UBE2E3: variants seen among roughly 807,000 people sequenced by gnomAD.
The protein encoded by UBE2E3 is ubiquitin conjugating enzyme E2 E3.
Under a neutral mutation model 23.6 loss-of-function variants are expected in UBE2E3, and 5 were observed. The ratio of observed to expected loss-of-function variants is 0.21; its 90% CI spans 0.11 to 0.44. UBE2E3 has a LOEUF of 0.44. Ranked by LOEUF, UBE2E3 falls within the 20% of genes least tolerant of loss-of-function variation. The probability of loss-of-function intolerance (pLI) is 0.99; values close to 1 mark genes in which losing one functional copy is unlikely to be tolerated. For missense variants in UBE2E3, 81 were observed against 249.8 expected (o/e 0.32, Z 4.55); for synonymous variants, 78 against 87.5 (o/e 0.89, Z 0.60).
At chr2:180,994,178 A>T (rs1684758789) in intron 3 of UBE2E3, among the ~76,000 whole-genome samples, 2 of 152,192 alleles carry the variant, frequency 1.3e-5, no homozygotes, top group South Asian at 2.1e-4. Flanking sequence ...CCATTAGAAG[A>T]TGCCAAATAC....
intron 3 of UBE2E3, among the ~76,000 whole-genome samples, chr2:180,988,963 C>T (rs1010177915): frequency 2.0e-5 from 3 of 151,858 alleles, no homozygotes; most frequent in African/African-American, 7.3e-5. Context: ...ATTGGAAGCT[C>T]GACTGTAAAA....
intron 3 of UBE2E3, among the ~76,000 whole-genome samples, chr2:181,027,292 A>G (rs1685925579): frequency 6.6e-6 from 1 of 151,948 alleles, no homozygotes; most frequent in African/African-American, 2.4e-5. Flanking sequence ...AGTGTGGGAA[A>G]GTGTTATAGT....
At chr2:181,012,221 T>C (rs1432071584) in intron 3 of UBE2E3, among the ~76,000 whole-genome samples, 1 of 152,204 alleles carries the variant, frequency 6.6e-6, no homozygotes, top group Non-Finnish European at 1.5e-5. Context: ...CACTGATTAG[T>C]TTCAGTAAAT....
At chr2:181,028,346 A>G (rs1346109025) in intron 3 of UBE2E3, among the ~76,000 whole-genome samples, 1 of 152,160 alleles carries the variant, frequency 6.6e-6, no homozygotes, top group East Asian at 1.9e-4. Flanking sequence ...GTTTTTTGTC[A>G]CTATGAACAA....
At position 181,059,054 on chromosome 2, in the gene UBE2E3, C is replaced by T. The variant is rs1039447684; in HGVS notation, c.378+1229C>T. Reference sequence around the variant, plus strand: ...CTATATAGTACTGTATATGATTTGCCGTAATTTTGATGAATATAATGATTA... The same window carrying T: ...CTATATAGTACTGTATATGATTTGCTGTAATTTTGATGAATATAATGATTA... On this transcript the variant is annotated intron_variant, in intron 4 of 5. Coordinates refer to ENST00000410062, the MANE Select transcript of UBE2E3 (RefSeq NM_006357.4). Among the ~76,000 whole-genome samples, 9 of 151,650 alleles carry T rather than the reference C, an allele frequency of 5.9e-5. No homozygotes were observed. The South Asian group carries it at 6.2e-4, about 10-fold the overall frequency.
At chr2:180,983,250 C>G (rs879930181) in intron 2 of UBE2E3, among the ~76,000 whole-genome samples, 2 of 152,142 alleles carry the variant, frequency 1.3e-5, no homozygotes, top group Non-Finnish European at 2.9e-5. Flanking sequence ...CCCTTATTGT[C>G]TCAGTAATGA....
At position 181,002,894 on chromosome 2, in the gene UBE2E3, A is replaced by G. The variant is rs767481831; in HGVS notation, c.245+18801A>G. Among the ~76,000 whole-genome samples the G allele has an allele frequency of 4.6e-4, 70 of 152,236 alleles. 1 individual carries two copies. The highest frequency in any genetic ancestry group is 1.2e-3 in the South Asian group (6 of 4,832). On this transcript the variant is annotated intron_variant, in intron 3 of 5. Coordinates refer to ENST00000410062, the MANE Select transcript of UBE2E3 (RefSeq NM_006357.4). ...CACACCCCAGTTTGTGAAAAGATGG[A>G]CAACCTTTCTTGGCTAGAGATAACT...
intron 3 of UBE2E3, among the ~76,000 whole-genome samples, chr2:181,004,422 C>A (rs1302571778): frequency 3.3e-5 from 5 of 152,090 alleles, no homozygotes; most frequent in Non-Finnish European, 5.9e-5. Context: ...ATCACGAGGT[C>A]AAGAGATCGG....
chr2:181,006,631 A>G (rs1685156281), intron 3 of UBE2E3, among the ~76,000 whole-genome samples: 2 of 152,052 alleles, frequency 1.3e-5, no homozygotes, highest in Non-Finnish European at 2.9e-5. Context: ...TTTTTCTGTA[A>G]TTAAACTTTT....
At chr2:180,992,142 C>T (rs6732354) in intron 3 of UBE2E3, among the ~76,000 whole-genome samples, 58,911 of 151,854 alleles carry the variant, frequency 0.39, 12,198 homozygotes, top group African/African-American at 0.54. Context: ...GGTTTTTTGT[C>T]TTGTAACTTG....
chr2:181,019,902 AT>A (rs1685620385), intron 3 of UBE2E3, among the ~76,000 whole-genome samples: 1 of 152,092 alleles, frequency 6.6e-6, no homozygotes, highest in Non-Finnish European at 1.5e-5. Flanking sequence ...ATGATACAAT[AT>A]TGTTAACTGT....
chr2:180,982,560 T>G (rs1684334038), intron 2 of UBE2E3, among the ~76,000 whole-genome samples: 2 of 152,126 alleles, frequency 1.3e-5, no homozygotes, highest in African/African-American at 4.8e-5. Flanking sequence ...ACTTTGGGGA[T>G]GTTCCTTTTA....
chr2:180,994,312 A>G (rs1684763619), intron 3 of UBE2E3, among the ~76,000 whole-genome samples: 1 of 152,162 alleles, frequency 6.6e-6, no homozygotes, highest in South Asian at 2.1e-4. Flanking sequence ...TGGTATGATG[A>G]ACCCCCATAT....
chr2:181,016,096 A>G (rs1685481081), intron 3 of UBE2E3, among the ~76,000 whole-genome samples: 1 of 152,000 alleles, frequency 6.6e-6, no homozygotes, highest in Non-Finnish European at 1.5e-5. Flanking sequence ...CATATGGCAG[A>G]CCTTGAAATA....
At chr2:181,008,516 T>A (rs536744086) in intron 3 of UBE2E3, among the ~76,000 whole-genome samples, 1 of 152,360 alleles carries the variant, frequency 6.6e-6, no homozygotes, top group Non-Finnish European at 1.5e-5. Flanking sequence ...TTTCTAGTTC[T>A]GGCTGAGGTC....
chr2:181,021,666 T>TCCTTCCTTCCTTCCTTC (rs1310438364), intron 3 of UBE2E3, among the ~76,000 whole-genome samples: 6 of 129,476 alleles, frequency 4.6e-5, no homozygotes, highest in African/African-American at 1.8e-4. Flanking sequence ...CTTCCTTCCT[T>TCCTTCCTTCCTTCCTTC]CTTTCCTTCC....
chr2:181,021,166 C>T (rs1042214465), intron 3 of UBE2E3, among the ~76,000 whole-genome samples: 4 of 152,054 alleles, frequency 2.6e-5, no homozygotes, highest in South Asian at 2.1e-4. Flanking sequence ...AATGTAGTTG[C>T]GACTACGAAA....
chr2:180,991,366 A>G (rs557014859), intron 3 of UBE2E3, among the ~76,000 whole-genome samples: 59 of 152,322 alleles, frequency 3.9e-4, no homozygotes, highest in African/African-American at 1.3e-3. Flanking sequence ...AGGCACAGCA[A>G]GAGATTAACA....
intron 3 of UBE2E3, among the ~76,000 whole-genome samples, chr2:180,991,700 A>T (rs1684664071): frequency 6.6e-6 from 1 of 152,020 alleles, no homozygotes; most frequent in Non-Finnish European, 1.5e-5. Context: ...AGTGTATTTT[A>T]TGTGTGGCCC....
Sources: allele counts gnomAD v4.1 joint callset (sites outside exome capture counted in the v4.1 genomes callset), GRCh38; gene constraint gnomAD v4.1.1; transcripts MANE v1.5; gene names NCBI Gene and HGNC (gene_info 2026-07-23, HGNC 2026-07-21).